Variants in DNAH8 observed in about 807,000 individuals in gnomAD.
The protein encoded by DNAH8 is axonemal beta dynein heavy chain 8.
DNAH8 carries 382 observed loss-of-function variants against 562.1 expected under a neutral mutation model. That is an observed-to-expected ratio of 0.68 (90% CI 0.63 to 0.74). The LOEUF (loss-of-function observed/expected upper bound fraction) is 0.74. Among genes scored for constraint, DNAH8 ranks in the 30% least tolerant of loss-of-function variants. DNAH8 has a pLI of 0.00. For synonymous variants in DNAH8, 1,881 were observed against 1,919.4 expected (o/e 0.98, Z 0.52); for missense variants, 5,203 against 5,620.4 (o/e 0.93, Z 2.37).
intron 31 of DNAH8, among the ~76,000 whole-genome samples, chr6:38,832,920 G>A (rs1382827050): frequency 6.6e-6 from 1 of 151,888 alleles, no homozygotes; most frequent in African/African-American, 2.4e-5. Context: ...CTTTTCTCGG[G>A]GGCTGAATTC....
At position 38,917,292 on chromosome 6, in the gene DNAH8, T is replaced by C. The variant is rs1583346854; in HGVS notation, c.10194T>C (p.His3398=). The change falls in exon 69 of 93, where the codon CAT becomes CAC. Residue 3398 remains histidine, a synonymous_variant. Transcript: ENST00000327475. The part of the protein sequence containing the change: ...ATVRKLAKPP[H]LIMRIMDCVL... ...TCAGGAAACTTGCAAAACCACCACATCTTATTATGAGAATCATGGACTGTG... is the reference window on the plus strand; with the variant it reads ...TCAGGAAACTTGCAAAACCACCACACCTTATTATGAGAATCATGGACTGTG... 1 of 1,613,474 alleles carries C rather than the reference T, an allele frequency of 6.2e-7. No homozygotes were observed. The highest frequency in any genetic ancestry group is 1.3e-5 in the African/African-American group (1 of 75,012).
At chr6:38,884,326 T>A (rs1231493268) in intron 56 of DNAH8, among the ~76,000 whole-genome samples, 1 of 152,314 alleles carries the variant, frequency 6.6e-6, no homozygotes, top group East Asian at 1.9e-4. Flanking sequence ...GGAGTCTTGC[T>A]CTCTCACCCA....
At chr6:38,727,982 T>C (rs1467940269) in intron 3 of DNAH8, among the ~76,000 whole-genome samples, 2 of 152,136 alleles carry the variant, frequency 1.3e-5, no homozygotes, top group South Asian at 2.1e-4. Flanking sequence ...TTTTTTTCTT[T>C]TGAGACAGAC....
rs1779675390 is a variant in DNAH8 at position 38,896,191 on chromosome 6, ACT to A, written c.8909_8910del (p.Ser2970CysfsTer3). The A allele has an allele frequency of 6.2e-7, 1 of 1,613,614 alleles. No individual in the cohort carries two copies. Among genetic ancestry groups the A allele is most frequent in the South Asian group, 1.1e-5 (1 of 91,026 alleles). ...GAACCAACTGGTGATGAACCTGAAG[ACT>A]CTGTGTTTGAAGTACCCAAAATATA... On this transcript the variant is annotated frameshift_variant, in exon 60 of 93. Transcript: ENST00000327475. LOFTEE classifies it high-confidence loss of function.
At chr6:38,863,635 C>A (rs1362677044) in intron 44 of DNAH8, among the ~76,000 whole-genome samples, 1 of 152,108 alleles carries the variant, frequency 6.6e-6, no homozygotes, top group Non-Finnish European at 1.5e-5. Context: ...CAAAATACCC[C>A]CAAAATTTGT....
chr6:38,993,778 A>G (rs1764952817), intron 88 of DNAH8, among the ~76,000 whole-genome samples: 1 of 152,044 alleles, frequency 6.6e-6, no homozygotes, highest in Non-Finnish European at 1.5e-5. Context: ...TTACAGCTGC[A>G]TGCTGCTCCA....
At chr6:38,829,319 CAA>C (rs1236887842) in intron 30 of DNAH8, among the ~76,000 whole-genome samples, 5 of 152,030 alleles carry the variant, frequency 3.3e-5, no homozygotes, top group African/African-American at 1.2e-4. Flanking sequence ...TTTTGATGCA[CAA>C]AGTTTTTTAC....
In DNAH8 at chr6:38,915,190, C is replaced by T; in HGVS notation, c.9964-11C>T. ...TTCTATTGGCTTTCATGTGTTTCCT[C>T]AACTTAACAGGTATTAGCAGAAGTC... is the stretch of plus-strand genomic sequence containing the variant. On this transcript the variant is annotated splice_polypyrimidine_tract_variant and intron_variant, in intron 67 of 92. Transcript: ENST00000327475. 3 of 1,573,248 alleles carry T rather than the reference C, an allele frequency of 1.9e-6. No homozygotes were observed. Among genetic ancestry groups the T allele is most frequent in the Non-Finnish European group, 2.6e-6 (3 of 1,167,346 alleles).
intron 83 of DNAH8, among the ~76,000 whole-genome samples, chr6:38,973,025 T>C (rs1248171015): frequency 2.0e-5 from 3 of 152,342 alleles, no homozygotes; most frequent in South Asian, 2.1e-4. Context: ...TATAAAGGTA[T>C]TAAAATGTCT....
chr6:39,000,473 G>A (rs9349108), intron 88 of DNAH8, among the ~76,000 whole-genome samples: 61,344 of 151,990 alleles, frequency 0.4, 12,788 homozygotes, highest in East Asian at 0.59. Flanking sequence ...GAGCACTACC[G>A]CCTGAGCTCT....
At chr6:39,024,836 C>T (rs1194760367) in intron 91 of DNAH8, among the ~76,000 whole-genome samples, 2 of 152,158 alleles carry the variant, frequency 1.3e-5, no homozygotes, top group Non-Finnish European at 1.5e-5. Flanking sequence ...ACTAGGCACT[C>T]GGTTTCATGA....
chr6:38,827,475 C>T lies in DNAH8; in HGVS notation c.4084-709C>T, dbSNP rs1006800809. ...GGTTTTGTTGTCTATAAACAATGCA[C>T]TGCCTCATTGCCTACAATATCTGGG... On this transcript the variant is annotated intron_variant, in intron 29 of 92. Coordinates refer to ENST00000327475, the MANE Select transcript of DNAH8 (RefSeq NM_001206927.2). 5.5e-4 allele frequency among the ~76,000 whole-genome samples: 83 copies of T among 152,112 alleles called. 4 individuals carry two copies. Among genetic ancestry groups the T allele is most frequent in the Non-Finnish European group, 2.1e-4 (14 of 68,012 alleles).
intron 37 of DNAH8, among the ~76,000 whole-genome samples, chr6:38,849,720 G>T (rs1775590357): frequency 6.6e-6 from 1 of 151,934 alleles, no homozygotes; most frequent in Non-Finnish European, 1.5e-5. Context: ...AGGCATTTTT[G>T]CAGCTAAGTA....
chr6:38,743,007 C>CTTTTTTT (rs11340457), intron 8 of DNAH8, among the ~76,000 whole-genome samples: 13 of 52,004 alleles, frequency 2.5e-4, no homozygotes, highest in African/African-American at 1.2e-3. Context: ...TGTTGTTGTG[C>CTTTTTTT]TTTTTTTTTT....
intron 88 of DNAH8, among the ~76,000 whole-genome samples, chr6:38,996,191 C>T (rs1362743566): frequency 1.3e-5 from 2 of 151,918 alleles, no homozygotes; most frequent in African/African-American, 4.8e-5. Context: ...GTCCAGGTAG[C>T]AGTGTGATCT....
intron 58 of DNAH8, among the ~76,000 whole-genome samples, chr6:38,892,961 C>T (rs1256785650): frequency 3.3e-5 from 5 of 152,192 alleles, no homozygotes; most frequent in Admixed American, 6.5e-5. Flanking sequence ...CTGCACTTGT[C>T]CCTATCCTAG....
chr6:38,875,235 T>A (rs1561800045), intron 52 of DNAH8, among the ~76,000 whole-genome samples: 1 of 152,186 alleles, frequency 6.6e-6, no homozygotes, highest in South Asian at 2.1e-4. Context: ...ATCTGGAAAA[T>A]TTAGATAACT....
intron 36 of DNAH8, among the ~76,000 whole-genome samples, chr6:38,848,355 C>G (rs182137639): frequency 8.5e-5 from 13 of 152,220 alleles, no homozygotes; most frequent in Non-Finnish European, 1.8e-4. Context: ...GCATTTACTC[C>G]CAGAAGCAAC....
intron 88 of DNAH8, among the ~76,000 whole-genome samples, chr6:39,003,164 G>T (rs1422059845): frequency 6.6e-6 from 1 of 152,160 alleles, no homozygotes; most frequent in Admixed American, 6.5e-5. Context: ...GCCAATTCGT[G>T]TGGCAAATTT....
Sources: gnomAD v4.1 joint callset for allele counts (sites outside exome capture counted in the v4.1 genomes callset) on GRCh38, gnomAD v4.1.1 for gene constraint, MANE v1.5 for transcripts, NCBI Gene and HGNC (gene_info 2026-07-23, HGNC 2026-07-21) for gene names.